The following CCDC102B variants were observed in gnomAD, a reference collection of about 807,000 sequenced individuals.
The protein encoded by CCDC102B is coiled-coil domain containing 102B, also known as coiled-coil domain-containing protein 102B.
In CCDC102B, 75 loss-of-function variants were observed where a neutral mutation model predicts 57.4. The observed-to-expected ratio is 1.31, with a 90% confidence interval of 1.08 to 1.58. CCDC102B has a LOEUF of 1.58. Ranked by LOEUF, CCDC102B falls within the 40% of genes most tolerant of loss-of-function variation. The probability of loss-of-function intolerance (pLI) is 0.00; values close to 1 mark genes in which losing one functional copy is unlikely to be tolerated. For synonymous variants in CCDC102B, 206 were observed against 201.9 expected (o/e 1.02, Z -0.17); for missense variants, 636 against 582.6 (o/e 1.09, Z -0.94).
chr18:68,818,394 G>A (rs756673597), intron 1 of CCDC102B, among the ~76,000 whole-genome samples: 1 of 152,130 alleles, frequency 6.6e-6, no homozygotes, highest in Admixed American at 6.5e-5. Context: ...AATGTTCAAC[G>A]TTGATGGCTT....
chr18:68,748,799 G>A (rs560182663), intron 2 of CCDC102B, among the ~76,000 whole-genome samples: 17 of 152,250 alleles, frequency 1.1e-4, no homozygotes, highest in East Asian at 5.8e-4. Context: ...AACAACATGC[G>A]TAGGATGATA....
chr18:68,857,077 TATAAATATA>T (rs2038429735), intron 4 of CCDC102B, among the ~76,000 whole-genome samples: 1 of 118,770 alleles, frequency 8.4e-6, no homozygotes, highest in African/African-American at 3.3e-5. Context: ...ATATATTATA[TATAAATATA>T]TTTATATATT....
In CCDC102B at chr18:68,857,751, C is replaced by T. The variant is rs965196769; in HGVS notation, c.936+11330C>T. Among the ~76,000 whole-genome samples, 12 of 152,108 alleles carry T rather than the reference C, an allele frequency of 7.9e-5. No homozygotes were observed. In the South Asian group the frequency reaches 1.9e-3, roughly 24 times the overall value. ...TCTCATGGCCAAAACTCCAAGGAAA[C>T]TAGTGACGTTGAATGGCTTCAGAAT... On this transcript the variant is annotated intron_variant, in intron 4 of 7. Coordinates refer to ENST00000360242, the MANE Select transcript of CCDC102B (RefSeq NM_024781.3).
intron 3 of CCDC102B, among the ~76,000 whole-genome samples, chr18:68,845,993 C>T (rs2037838153): frequency 6.6e-6 from 1 of 151,408 alleles, no homozygotes; most frequent in Admixed American, 6.6e-5. Flanking sequence ...TATATATCCT[C>T]CTATGTAAGA....
At chr18:68,956,425 T>G (rs2049869523) in intron 6 of CCDC102B, among the ~76,000 whole-genome samples, 1 of 48,350 alleles carries the variant, frequency 2.1e-5, no homozygotes, top group South Asian at 6.5e-4. Context: ...ATTATATATA[T>G]TATACATTTT....
chr18:68,907,118 T>G (rs894819387), intron 6 of CCDC102B, among the ~76,000 whole-genome samples: 4 of 152,170 alleles, frequency 2.6e-5, no homozygotes, highest in Non-Finnish European at 5.9e-5. Context: ...ATTATCCATA[T>G]AGGTATGGTT....
intron 7 of CCDC102B, among the ~76,000 whole-genome samples, chr18:69,025,199 G>A (rs72959971): frequency 1.3e-5 from 2 of 152,176 alleles, no homozygotes; most frequent in East Asian, 3.9e-4. Context: ...GATTAATATA[G>A]TTATCAAACT....
chr18:68,816,096 A>G (rs904481332), intron 1 of CCDC102B, among the ~76,000 whole-genome samples: 14 of 152,224 alleles, frequency 9.2e-5, no homozygotes, highest in Non-Finnish European at 1.8e-4. Context: ...AATGGAATAA[A>G]TTGTTAAAAG....
rs1599404484 is a variant in CCDC102B at position 68,748,796 on chromosome 18, T to G, written c.-67+32202T>G. Among the ~76,000 whole-genome samples the G allele has an allele frequency of 2.0e-5, 3 of 152,254 alleles. No homozygotes were observed. In the East Asian group the frequency reaches 5.8e-4, roughly 29 times the overall value. ...TTTATGTAGTAAAAGTATAACAACA[T>G]GCGTAGGATGATAAACTCCAAATAA... On this transcript the variant is annotated intron_variant, in intron 2 of 3. Coordinates refer to the CCDC102B transcript ENST00000578970.
intron 6 of CCDC102B, among the ~76,000 whole-genome samples, chr18:68,899,211 A>G (rs1164663514): frequency 6.6e-6 from 1 of 152,056 alleles, no homozygotes; most frequent in Non-Finnish European, 1.5e-5. Context: ...GCAAGCCAAA[A>G]TTCTTAGTGC....
At chr18:68,715,253 C>G (rs1486360193) in exon 1 of CCDC102B, 2 of 1,335,410 alleles carry the variant, frequency 1.5e-6, no homozygotes, top group African/African-American at 3.1e-5. Context: ...CCTCCACGCC[C>G]AGGAGCGTGG....
At chr18:68,726,732 G>A (rs2032612855) in intron 2 of CCDC102B, among the ~76,000 whole-genome samples, 1 of 152,176 alleles carries the variant, frequency 6.6e-6, no homozygotes, top group South Asian at 2.1e-4. Flanking sequence ...ACAATCTGGT[G>A]AGGCAGATCT....
At chr18:68,871,168 T>A (rs1164403734) in intron 4 of CCDC102B, among the ~76,000 whole-genome samples, 1 of 152,154 alleles carries the variant, frequency 6.6e-6, no homozygotes, top group Non-Finnish European at 1.5e-5. Context: ...GGAGTTATAT[T>A]ATGGTACAAA....
intron 6 of CCDC102B, among the ~76,000 whole-genome samples, chr18:68,983,730 A>G (rs1256191598): frequency 6.6e-6 from 1 of 152,038 alleles, no homozygotes; most frequent in African/African-American, 2.4e-5. Flanking sequence ...AAACTTTTTC[A>G]CTGTATTTTT....
At position 68,980,604 on chromosome 18, in the gene CCDC102B, T is replaced by A. The variant is rs115200072; in HGVS notation, c.1264-30330T>A. Reference sequence around the variant, plus strand: ...GGCATACAGTGCAGTATAAATAAGATGGTCAGATGAGGTCTCATCAAGGAG... The same window carrying A: ...GGCATACAGTGCAGTATAAATAAGAAGGTCAGATGAGGTCTCATCAAGGAG... On this transcript the variant is annotated intron_variant, in intron 6 of 7. Coordinates refer to ENST00000360242, the MANE Select transcript of CCDC102B (RefSeq NM_024781.3). 2.7e-3 allele frequency among the ~76,000 whole-genome samples: 416 copies of A among 151,994 alleles called. 3 individuals are homozygous for A. The highest frequency in any genetic ancestry group is 9.7e-3 in the African/African-American group (401 of 41,488).
At chr18:68,953,732 G>T (rs764771752) in intron 6 of CCDC102B, among the ~76,000 whole-genome samples, 6 of 152,016 alleles carry the variant, frequency 3.9e-5, no homozygotes, top group African/African-American at 7.2e-5. Flanking sequence ...CAATTCTAAA[G>T]ATGATAAACA....
intron 7 of CCDC102B, among the ~76,000 whole-genome samples, chr18:69,012,154 T>C (rs1475196489): frequency 6.6e-6 from 1 of 152,034 alleles, no homozygotes; most frequent in Non-Finnish European, 1.5e-5. Context: ...GGCTGGATGG[T>C]GGAAGAGTAA....
chr18:68,763,006 G>T (rs560500795), intron 2 of CCDC102B, among the ~76,000 whole-genome samples: 2 of 151,884 alleles, frequency 1.3e-5, no homozygotes, highest in Non-Finnish European at 2.9e-5. Flanking sequence ...GGGGAAAAAA[G>T]CTTCTATCTT....
intron 6 of CCDC102B, chr18:68,900,373 A>G (rs555860100): frequency 1.3e-5 from 2 of 152,318 alleles, no homozygotes; most frequent in South Asian, 2.1e-4. Context: ...AAATTATGTT[A>G]GTGATGCTTG....
Sources: gnomAD v4.1 joint callset for allele counts (sites outside exome capture counted in the v4.1 genomes callset) on GRCh38, gnomAD v4.1.1 for gene constraint, MANE v1.5 for transcripts, NCBI Gene and HGNC (gene_info 2026-07-23, HGNC 2026-07-21) for gene names.